Variants in ODR4 observed in about 807,000 individuals in gnomAD.
ODR4 encodes protein odr-4 homolog.
Under a neutral mutation model 60.2 loss-of-function variants are expected in ODR4, and 47 were observed. That is an observed-to-expected ratio of 0.78 (90% CI 0.62 to 1.00). ODR4 has a LOEUF of 1.00. Among genes scored for constraint, ODR4 ranks in the 50% least tolerant of loss-of-function variants. The probability of loss-of-function intolerance (pLI) is 0.00; values close to 1 mark genes in which losing one functional copy is unlikely to be tolerated. For missense variants in ODR4, 488 were observed against 530.8 expected, an observed-to-expected ratio of 0.92 and a Z score of 0.79; for synonymous variants, 178 against 175.5, an observed-to-expected ratio of 1.01 and a Z score of -0.11.
chr1:186,387,413 T>G (rs1048742679), intron 4 of ODR4, among the ~76,000 whole-genome samples: 8 of 152,214 alleles, frequency 5.3e-5, no homozygotes, highest in Admixed American at 6.5e-5. Flanking sequence ...GGTGCTGAAT[T>G]GAGGGGGTTG....
At chr1:186,429,375 G>A in the ODR4 span, among the ~76,000 whole-genome samples, 294 of 152,216 alleles carry the variant, frequency 1.9e-3, 3 homozygotes, top group African/African-American at 6.6e-3. Context: ...GAAAAATTAC[G>A]ATAGACTTGC....
At chr1:186,401,097 AG>A (rs1323360183) in intron 11 of ODR4, 1 of 1,595,652 alleles carries the variant, frequency 6.3e-7, no homozygotes, top group Non-Finnish European at 8.6e-7. Context: ...CAGACACATT[AG>A]TATACTCTTC....
At chr1:186,429,594 T>C in the ODR4 span, among the ~76,000 whole-genome samples, 1 of 152,186 alleles carries the variant, frequency 6.6e-6, no homozygotes, top group Non-Finnish European at 1.5e-5. Flanking sequence ...GTCTTCCTCT[T>C]TTTCACTGTG....
downstream of ODR4, among the ~76,000 whole-genome samples, chr1:186,424,020 A>G (rs1241792226): frequency 2.6e-5 from 4 of 152,228 alleles, no homozygotes; most frequent in Non-Finnish European, 5.9e-5. Context: ...ATTTGGCACT[A>G]TCTCTTAGAG....
intron 12 of ODR4, among the ~76,000 whole-genome samples, chr1:186,409,471 A>G (rs1661292531): frequency 6.6e-6 from 1 of 152,208 alleles, no homozygotes; most frequent in Non-Finnish European, 1.5e-5. Flanking sequence ...TGAATAAATT[A>G]TTTATTTTGT....
chr1:186,424,191 T>C (rs1661846618), downstream of ODR4, among the ~76,000 whole-genome samples: 1 of 152,200 alleles, frequency 6.6e-6, no homozygotes, highest in African/African-American at 2.4e-5. Context: ...TTACGGGTTT[T>C]GTAATTTTAT....
At chr1:186,389,326 C>G (rs1051899902) in intron 5 of ODR4, among the ~76,000 whole-genome samples, 4 of 151,986 alleles carry the variant, frequency 2.6e-5, no homozygotes, top group African/African-American at 4.8e-5. Context: ...CTATTTATTG[C>G]AATTAGCGGG....
the ODR4 span, among the ~76,000 whole-genome samples, chr1:186,430,927 C>T: frequency 4.0e-5 from 6 of 150,296 alleles, no homozygotes; most frequent in Admixed American, 6.6e-5. Context: ...CTAAATATTA[C>T]TGTGCATATA....
intron 12 of ODR4, among the ~76,000 whole-genome samples, chr1:186,412,160 G>A (rs993958239): frequency 6.6e-6 from 1 of 152,136 alleles, no homozygotes; most frequent in Non-Finnish European, 1.5e-5. Context: ...AGTGCAATGG[G>A]AAATACAAAG....
intron 11 of ODR4, among the ~76,000 whole-genome samples, chr1:186,403,526 A>G (rs376399208): frequency 6.6e-6 from 1 of 152,142 alleles, no homozygotes; most frequent in African/African-American, 2.4e-5. Context: ...ATGCCATAAA[A>G]TTAACCTGAA....
intron 12 of ODR4, among the ~76,000 whole-genome samples, chr1:186,407,177 C>G (rs985671268): frequency 6.6e-6 from 1 of 152,008 alleles, no homozygotes; most frequent in Non-Finnish European, 1.5e-5. Flanking sequence ...CTAAATTGCC[C>G]AATGCCTGAT....
chr1:186,415,249 A>AT (rs1405966661), intron 12 of ODR4, among the ~76,000 whole-genome samples: 1 of 151,872 alleles, frequency 6.6e-6, no homozygotes, highest in Non-Finnish European at 1.5e-5. Flanking sequence ...TTTGTGAGAA[A>AT]TTAATGAGAA....
intron 6 of ODR4, 64 bp from the exon 7 acceptor site, chr1:186,390,647 T>G: frequency 7.3e-6 from 11 of 1,500,218 alleles, no homozygotes; most frequent in Middle Eastern, 3.4e-4. Flanking sequence ...TAATAATGTT[T>G]TGTTGATCCA....
intron 9 of ODR4, among the ~76,000 whole-genome samples, chr1:186,396,720 T>TATAGATAG (rs71104855): frequency 0.2 from 28,284 of 144,716 alleles, 2,789 homozygotes; most frequent in Middle Eastern, 0.28. Flanking sequence ...ATGCCATAAT[T>TATAGATAG]ATAGATAGAT....
intron 3 of ODR4, among the ~76,000 whole-genome samples, chr1:186,383,927 T>G (rs1264054220): frequency 2.0e-5 from 3 of 152,030 alleles, no homozygotes; most frequent in African/African-American, 7.2e-5. Context: ...TAATCCCAGC[T>G]ACTTGGGAGG....
Position 186,411,188 on chromosome 1 carries a change from C to T in ODR4, c.1186+4920C>T, listed in dbSNP as rs1339147300. Among the ~76,000 whole-genome samples the T allele has an allele frequency of 3.9e-5, 6 of 151,970 alleles. No individual in the cohort carries two copies. In the East Asian group the frequency reaches 1.2e-3, roughly 29 times the overall value. The stretch of plus-strand genomic sequence containing the variant: ...ATTAGAGCATTTCAGATTTTGGATT[C>T]TTGGGTTAGGAATGCTAAGCTGGTG... On this transcript the variant is annotated intron_variant, in intron 12 of 13. Coordinates refer to ENST00000287859, the MANE Select transcript of ODR4 (RefSeq NM_017847.6).
At chr1:186,424,972 GAAA>G (rs61156981), downstream of ODR4, among the ~76,000 whole-genome samples, 6,341 of 127,642 alleles carry the variant, frequency 0.05, 445 homozygotes, top group African/African-American at 0.17. Flanking sequence ...CTAGATTAAA[GAAA>G]AAAAAAAAAA....
chr1:186,383,876 A>T (rs1028590907), intron 3 of ODR4, among the ~76,000 whole-genome samples: 1 of 151,910 alleles, frequency 6.6e-6, no homozygotes, highest in African/African-American at 2.4e-5. Flanking sequence ...CGTCTCTAGT[A>T]AAAATATGAA....
At chr1:186,392,576 G>C (rs190819907) in intron 8 of ODR4, among the ~76,000 whole-genome samples, 5 of 150,886 alleles carry the variant, frequency 3.3e-5, no homozygotes, top group South Asian at 2.1e-4. Flanking sequence ...CAGCACTTTG[G>C]GGGGCCGAGG....
Sources: allele counts gnomAD v4.1 joint callset (sites outside exome capture counted in the v4.1 genomes callset), GRCh38; gene constraint gnomAD v4.1.1; transcripts MANE v1.5; gene names NCBI Gene and HGNC (gene_info 2026-07-23, HGNC 2026-07-21).